The following PPP1R37 variants were observed in gnomAD, a reference collection of about 807,000 sequenced individuals.
The protein encoded by PPP1R37 is protein phosphatase 1 regulatory subunit 37.
In PPP1R37, 21 loss-of-function variants were observed where a neutral mutation model predicts 61.0. The observed-to-expected ratio is 0.34, with a 90% CI of 0.24 to 0.50. PPP1R37 has a LOEUF of 0.50. Ranked by LOEUF, PPP1R37 falls within the 20% of genes least tolerant of loss-of-function variation. PPP1R37 has a pLI of 0.98. For missense variants in PPP1R37, 910 were observed against 952.7 expected (o/e 0.96, Z 0.59); for synonymous variants, 443 against 433.5 (o/e 1.02, Z -0.27).
At chr19:45,140,643 G>T in intron 4 of PPP1R37, 37 bp downstream of exon 4, 1 of 1,478,726 alleles carries the variant, frequency 6.8e-7, no homozygotes, top group South Asian at 1.2e-5. Context: ...GGCTCCCTGA[G>T]CTCCCGGGCC....
intron 1 of PPP1R37, among the ~76,000 whole-genome samples, chr19:45,095,550 C>T (rs1170772825): frequency 6.6e-6 from 1 of 151,986 alleles, no homozygotes; most frequent in African/African-American, 2.4e-5. Flanking sequence ...ATCACCTGAG[C>T]CCAGGAGTTC....
Position 45,111,258 on chromosome 19 carries a change from AATTATTATT to A in PPP1R37, c.202+17750_202+17758del, listed in dbSNP as rs72048408. On this transcript the variant is annotated intron_variant, in intron 1 of 12. Coordinates refer to ENST00000221462, the MANE Select transcript of PPP1R37 (RefSeq NM_019121.2). Reference sequence around the variant, plus strand: ...CTCTTCTCCCTCCCTTCTGCTTTTTAATTATTATTATTATTATTATTATTATTTTTAATT... The same window carrying A: ...CTCTTCTCCCTCCCTTCTGCTTTTTAATTATTATTATTATTATTTTTAATT... Among the ~76,000 whole-genome samples, 6 of 149,342 alleles carry A rather than the reference AATTATTATT, an allele frequency of 4.0e-5. No individual in the cohort carries two copies. In the South Asian group the frequency reaches 8.5e-4, roughly 21 times the overall value.
intron 1 of PPP1R37, among the ~76,000 whole-genome samples, chr19:45,131,841 C>T (rs115958449): frequency 0.012 from 1,831 of 152,248 alleles, 42 homozygotes; most frequent in African/African-American, 0.042. Flanking sequence ...TTTGTGTCTC[C>T]TGCTGACTAA....
intron 1 of PPP1R37, among the ~76,000 whole-genome samples, chr19:45,123,901 G>T (rs558914945): frequency 6.6e-6 from 1 of 152,228 alleles, no homozygotes; most frequent in Non-Finnish European, 1.5e-5. Flanking sequence ...GAGTAGACCG[G>T]GCCCTTCCTG....
chr19:45,112,359 C>A (rs1968213023), intron 1 of PPP1R37, among the ~76,000 whole-genome samples: 1 of 112,320 alleles, frequency 8.9e-6, no homozygotes. Flanking sequence ...TCGCTAGAGT[C>A]TGGAGCTAGG....
chr19:45,145,812 T>TGCCCCCCCCCCCCCCC lies in PPP1R37; in HGVS notation c.1756_1757insGCCCCCCCCCCCCCCC (p.Ser586CysfsTer31). The TGCCCCCCCCCCCCCCC allele has an allele frequency of 1.6e-6, 2 of 1,227,570 alleles. No individual in the cohort carries two copies. The highest frequency in any genetic ancestry group is 2.2e-6 in the Non-Finnish European group (2 of 922,052). 76.0% of individuals were successfully genotyped at this position (1,227,570 alleles called of 1,614,324 possible). The stretch of plus-strand genomic sequence containing the variant: ...GCCCGAGAGGGCAGAGCCCCCTGCG[T>TGCCCCCCCCCCCCCCC]CCCCCACCCCTCCCTCTCCCCCACC... On this transcript the variant is annotated frameshift_variant, in exon 11 of 13. Transcript: ENST00000221462. LOFTEE classifies it high-confidence loss of function.
In PPP1R37 at chr19:45,138,905, C is replaced by CTTTTTT. The variant is rs34081163; in HGVS notation, c.300+314_300+319dup. 2.8e-3 allele frequency among the ~76,000 whole-genome samples: 208 copies of CTTTTTT among 73,026 alleles called. 2 individuals carry two copies. The highest frequency in any genetic ancestry group is 0.015 in the Middle Eastern group (1 of 68). 47.9% of individuals were successfully genotyped at this position (73,026 alleles called of 152,430 possible). A position where few individuals can be genotyped will look rare whatever the true frequency, so the allele number is the denominator to read the frequency against. ...GTCTGAATTACAAAATTTATGTATT[C>CTTTTTT]TTTTTTTTTTTTTTTTTTTTTTTTT... On this transcript the variant is annotated intron_variant, in intron 2 of 12. Transcript: ENST00000221462.
intron 1 of PPP1R37, among the ~76,000 whole-genome samples, chr19:45,124,538 G>T (rs1968377817): frequency 6.6e-6 from 1 of 152,002 alleles, no homozygotes; most frequent in Non-Finnish European, 1.5e-5. Context: ...TCCAGTGCGT[G>T]CACGGCCCCC....
At chr19:45,138,258 A>T (rs1026759471) in intron 1 of PPP1R37, among the ~76,000 whole-genome samples, 1 of 151,970 alleles carries the variant, frequency 6.6e-6, no homozygotes, top group Non-Finnish European at 1.5e-5. Flanking sequence ...TTCATTGTGT[A>T]TTTGTGTGAA....
At chr19:45,095,671 G>A (rs1481285117) in intron 1 of PPP1R37, among the ~76,000 whole-genome samples, 1 of 151,784 alleles carries the variant, frequency 6.6e-6, no homozygotes, top group Non-Finnish European at 1.5e-5. Context: ...GCTGAAGTGG[G>A]AGGATCATTT....
At position 45,117,465 on chromosome 19, in the gene PPP1R37, C is replaced by T. The variant is rs376544681; in HGVS notation, c.203-21049C>T. ...CTCTCAGTGCAGGGACAGGTGGTGC[C>T]GAGTGAAAGCCTGTGGCAGCAACCA... On this transcript the variant is annotated intron_variant, in intron 1 of 12. Transcript: ENST00000221462. Among the ~76,000 whole-genome samples the T allele has an allele frequency of 3.7e-4, 57 of 152,202 alleles. No homozygotes were observed. The South Asian group carries it at 0.011, about 29-fold the overall frequency.
At chr19:45,103,996 C>G (rs966927415) in intron 1 of PPP1R37, among the ~76,000 whole-genome samples, 1 of 152,114 alleles carries the variant, frequency 6.6e-6, no homozygotes, top group Non-Finnish European at 1.5e-5. Context: ...GCCCAGCCTC[C>G]TAGACACAGG....
intron 1 of PPP1R37, among the ~76,000 whole-genome samples, chr19:45,126,141 A>G (rs1316010170): frequency 6.6e-6 from 1 of 152,170 alleles, no homozygotes; most frequent in African/African-American, 2.4e-5. Context: ...GCTGTCCCAC[A>G]TGGGCCGGTC....
intron 7 of PPP1R37, 192 bp downstream of exon 7, chr19:45,142,650 C>A: frequency 1.6e-6 from 1 of 633,634 alleles, no homozygotes; most frequent in Non-Finnish European, 2.7e-6. Flanking sequence ...GCTGGTGGAG[C>A]CCAGAGGCGG....
chr19:45,101,450 G>C (rs549627664), intron 1 of PPP1R37, among the ~76,000 whole-genome samples: 1 of 152,318 alleles, frequency 6.6e-6, no homozygotes, highest in East Asian at 1.9e-4. Flanking sequence ...GGCATGGGGG[G>C]CTCACGCCTG....
rs896830582 is a variant in PPP1R37 at position 45,144,934 on chromosome 19, G to C, written c.1068G>C (p.Gly356=). The change falls in exon 9 of 13, where the codon GGG becomes GGC. Residue 356 remains glycine (G), a synonymous_variant. Coordinates refer to ENST00000221462, the MANE Select transcript of PPP1R37 (RefSeq NM_019121.2). ...AGGGTGTGCGGCACCTCAAGAACGG[G>C]CTCATCAGCAACCGCAGCGTGCTGC... The part of the protein sequence containing the change: ...GNEGVRHLKN[G]LISNRSVLRL... The C allele has an allele frequency of 6.5e-7, 1 of 1,535,620 alleles. No individual in the cohort carries two copies. Among genetic ancestry groups the C allele is most frequent in the Non-Finnish European group, 8.7e-7 (1 of 1,146,724 alleles).
At chr19:45,123,260 C>G (rs1829927146) in intron 1 of PPP1R37, among the ~76,000 whole-genome samples, 1 of 152,152 alleles carries the variant, frequency 6.6e-6, no homozygotes, top group Non-Finnish European at 1.5e-5. Context: ...TGAGTGCACC[C>G]CAGGCTGGAC....
chr19:45,123,265 C>G (rs1476948012), intron 1 of PPP1R37, among the ~76,000 whole-genome samples: 1 of 152,156 alleles, frequency 6.6e-6, no homozygotes, highest in East Asian at 1.9e-4. Context: ...GCACCCCAGG[C>G]TGGACCAGGT....
At chr19:45,138,905 CTT>C (rs34081163) in intron 2 of PPP1R37, among the ~76,000 whole-genome samples, 4 of 73,056 alleles carry the variant, frequency 5.5e-5, no homozygotes, top group African/African-American at 2.1e-4. Flanking sequence ...TTTATGTATT[CTT>C]TTTTTTTTTT....
Sources: gnomAD v4.1 joint callset for allele counts (sites outside exome capture counted in the v4.1 genomes callset) on GRCh38, gnomAD v4.1.1 for gene constraint, MANE v1.5 for transcripts, NCBI Gene and HGNC (gene_info 2026-07-23, HGNC 2026-07-21) for gene names.